HERC4: variants seen among roughly 807,000 people sequenced by gnomAD.
The protein encoded by HERC4 is probable E3 ubiquitin-protein ligase HERC4.
Under a neutral mutation model 124.3 loss-of-function variants are expected in HERC4, and 28 were observed. That is an observed-to-expected ratio of 0.23 (90% CI 0.17 to 0.31). The LOEUF is 0.31. HERC4 is among the 10% of genes least tolerant of loss of function. HERC4 has a pLI of 1.00. For missense variants in HERC4, 713 were observed against 1,229.3 expected, an observed-to-expected ratio of 0.58 and a Z score of 6.28; for synonymous variants, 407 against 421.5, an observed-to-expected ratio of 0.97 and a Z score of 0.42.
At chr10:68,063,445 T>C (rs2041137014) in intron 3 of HERC4, among the ~76,000 whole-genome samples, 1 of 152,080 alleles carries the variant, frequency 6.6e-6, no homozygotes. Flanking sequence ...CCTGACCTTG[T>C]GATCCACTTG....
intron 21 of HERC4, among the ~76,000 whole-genome samples, chr10:67,936,723 A>G (rs140638967): frequency 8.3e-4 from 127 of 152,188 alleles, no homozygotes; most frequent in African/African-American, 2.9e-3. Context: ...TTATTTTGAA[A>G]CCTTTTATTT....
intron 15 of HERC4, among the ~76,000 whole-genome samples, chr10:67,970,756 AT>A (rs1483950443): frequency 6.6e-6 from 1 of 152,118 alleles, no homozygotes; most frequent in African/African-American, 2.4e-5. Flanking sequence ...AATTTGTGGG[AT>A]GCTAATAAAT....
intron 6 of HERC4, 74 bp from the exon 7 acceptor site, chr10:68,032,943 T>G: frequency 1.3e-6 from 1 of 788,850 alleles, no homozygotes; most frequent in African/African-American, 1.7e-5. Context: ...CCTCTACAGC[T>G]TGCCAAGCTC....
intron 23 of HERC4, among the ~76,000 whole-genome samples, chr10:67,931,059 A>C (rs2031744647): frequency 6.6e-6 from 1 of 151,672 alleles, no homozygotes; most frequent in Non-Finnish European, 1.5e-5. Context: ...AATCTCACTG[A>C]CTTGAACCCT....
At chr10:68,067,842 ACT>A (rs887595974) in intron 3 of HERC4, 5 of 152,108 alleles carry the variant, frequency 3.3e-5, no homozygotes, top group African/African-American at 1.2e-4. Flanking sequence ...TTACCTATAA[ACT>A]CTGCCAATCG....
chr10:67,931,235 C>T (rs1000113214), intron 23 of HERC4, among the ~76,000 whole-genome samples: 7 of 152,020 alleles, frequency 4.6e-5, no homozygotes, highest in African/African-American at 1.4e-4. Flanking sequence ...CCGCCCGCCT[C>T]GGTGTCCCAA....
intron 7 of HERC4, 78 bp from the exon 8 acceptor site, chr10:68,025,754 A>G (rs1378393745): frequency 7.0e-7 from 1 of 1,433,668 alleles, no homozygotes; most frequent in Non-Finnish European, 9.4e-7. Context: ...ATAAGTCCAA[A>G]TCTTTAATAT....
chr10:67,961,789 A>C (rs978177597), intron 16 of HERC4, among the ~76,000 whole-genome samples: 4 of 151,950 alleles, frequency 2.6e-5, no homozygotes, highest in African/African-American at 9.6e-5. Context: ...GTAAAGCCAA[A>C]GCAGTGTAAG....
chr10:68,062,910 T>C (rs576061617), intron 3 of HERC4, among the ~76,000 whole-genome samples: 1 of 152,260 alleles, frequency 6.6e-6, no homozygotes, highest in South Asian at 2.1e-4. Context: ...CAAATTAAAT[T>C]CAAGCTCCTT....
chr10:68,038,207 C>A, intron 4 of HERC4, 38 bp from the exon 5 acceptor site: 1 of 1,033,698 alleles, frequency 9.7e-7, no homozygotes, highest in Non-Finnish European at 1.4e-6. Context: ...CAGTTAATTC[C>A]ATTTAACAAA....
At chr10:68,063,738 G>A (rs1003743247) in intron 3 of HERC4, among the ~76,000 whole-genome samples, 18 of 152,234 alleles carry the variant, frequency 1.2e-4, no homozygotes, top group African/African-American at 3.6e-4. Context: ...AGGAGTTTGA[G>A]ACCAGCCTGG....
chr10:68,033,098 T>C (rs962029575), intron 6 of HERC4, among the ~76,000 whole-genome samples: 3 of 152,282 alleles, frequency 2.0e-5, no homozygotes, highest in South Asian at 4.1e-4. Context: ...AATATGCCAG[T>C]ATGCAAAGGA....
At chr10:67,997,121 G>C (rs1564526615) in intron 9 of HERC4, among the ~76,000 whole-genome samples, 1 of 152,274 alleles carries the variant, frequency 6.6e-6, no homozygotes, top group East Asian at 1.9e-4. Context: ...CTGGGGAAAT[G>C]AATTTTATTT....
chr10:68,018,067 T>C (rs1391390151), intron 8 of HERC4, among the ~76,000 whole-genome samples: 1 of 151,854 alleles, frequency 6.6e-6, no homozygotes, highest in African/African-American at 2.4e-5. Context: ...TAAAACCTGG[T>C]GAAAAGAATA....
At chr10:67,925,725 C>A (rs2131953439) in intron 23 of HERC4, among the ~76,000 whole-genome samples, 1 of 151,714 alleles carries the variant, frequency 6.6e-6, no homozygotes, top group East Asian at 1.9e-4. Context: ...AAAAAAAAAA[C>A]CTCTATGGCT....
chr10:67,982,491 A>AC (rs34682741), intron 15 of HERC4, among the ~76,000 whole-genome samples: 93,344 of 151,858 alleles, frequency 0.61, 29,539 homozygotes, highest in Non-Finnish European at 0.68. Context: ...ATGATTAATG[A>AC]TTAAATCTAA....
rs762093385 is a variant in HERC4, at chr10:67,932,609, C to A, written c.2826G>T (p.Lys942Asn). ...MVIGNTNYDW[K>N]ELEKNTEYKG... Reference sequence around the variant, plus strand: ...AGTTTTCCCCTACCTTTTCCAGTTCCTTCCAATCATAATTTGTATTTCCAA... The same window carrying A: ...AGTTTTCCCCTACCTTTTCCAGTTCATTCCAATCATAATTTGTATTTCCAA... The change falls in exon 23 of 25, where the codon AAG (lysine) becomes AAT (asparagine). Residue 942 changes from lysine (K) to asparagine (N), a missense_variant. By Grantham distance (94) the Lys-to-Asn change is moderately conservative. Transcript: ENST00000373700. 1.9e-6 allele frequency: 3 copies of A among 1,608,304 alleles called. No individual in the cohort carries two copies. In the African/African-American group the frequency reaches 4.0e-5, roughly 22 times the overall value.
intron 19 of HERC4, among the ~76,000 whole-genome samples, chr10:67,952,570 C>A (rs1203993655): frequency 6.7e-6 from 1 of 150,262 alleles, no homozygotes; most frequent in African/African-American, 2.4e-5. Context: ...CTGGGCCCGG[C>A]CAAAAAAATA....
chr10:67,934,755 T>C (rs1156502646), intron 22 of HERC4, among the ~76,000 whole-genome samples: 1 of 152,214 alleles, frequency 6.6e-6, no homozygotes, highest in African/African-American at 2.4e-5. Flanking sequence ...GTGTCTGATG[T>C]TACTGATTCT....
Sources: gnomAD v4.1 joint callset for allele counts (sites outside exome capture counted in the v4.1 genomes callset) on GRCh38, gnomAD v4.1.1 for gene constraint, MANE v1.5 for transcripts, NCBI Gene and HGNC (gene_info 2026-07-23, HGNC 2026-07-21) for gene names.